ATP8A1: variants seen among roughly 807,000 people sequenced by gnomAD.
ATP8A1 encodes the protein phospholipid-transporting ATPase IA.
ATP8A1 carries 90 observed loss-of-function variants against 177.7 expected under a neutral mutation model. The ratio of observed to expected loss-of-function variants is 0.51; its 90% CI spans 0.43 to 0.60. The LOEUF is 0.60. Ranked by LOEUF, ATP8A1 falls within the 20% of genes least tolerant of loss-of-function variation. ATP8A1 has a pLI of 0.00. For missense variants in ATP8A1, 1,072 were observed against 1,392.8 expected (o/e 0.77, Z 3.67); for synonymous variants, 493 against 485.9 (o/e 1.01, Z -0.19).
chr4:42,443,826 T>C (rs954291343), intron 32 of ATP8A1, among the ~76,000 whole-genome samples, 154 bp from the exon 33 acceptor site: 1 of 152,246 alleles, frequency 6.6e-6, no homozygotes, highest in African/African-American at 2.4e-5. Flanking sequence ...TGTTTTTTAA[T>C]TGGATCTTTA....
At chr4:42,427,779 G>C (rs1011955210) in intron 33 of ATP8A1, among the ~76,000 whole-genome samples, 1 of 152,224 alleles carries the variant, frequency 6.6e-6, no homozygotes, top group Non-Finnish European at 1.5e-5. Flanking sequence ...TCCTCTTGGA[G>C]AGTCACAGCG....
intron 9 of ATP8A1, among the ~76,000 whole-genome samples, chr4:42,585,247 C>T (rs528549706): frequency 3.3e-5 from 5 of 152,134 alleles, no homozygotes; most frequent in South Asian, 4.2e-4. Flanking sequence ...CCCAATCTTC[C>T]TTATTCTGTG....
intron 1 of ATP8A1, among the ~76,000 whole-genome samples, chr4:42,640,156 G>A (rs1036430009): frequency 6.6e-6 from 1 of 151,948 alleles, no homozygotes; most frequent in East Asian, 1.9e-4. Flanking sequence ...TTTAAAATGG[G>A]AGTCTACAGA....
intron 16 of ATP8A1, among the ~76,000 whole-genome samples, chr4:42,554,525 C>A (rs188473305): frequency 2.0e-5 from 3 of 152,262 alleles, no homozygotes; most frequent in Admixed American, 2.0e-4. Flanking sequence ...TACAAAAACA[C>A]CCCTAGCAAC....
At chr4:42,636,152 A>ACGCGCGCGTG (rs1276251388) in intron 1 of ATP8A1, among the ~76,000 whole-genome samples, 2 of 33,712 alleles carry the variant, frequency 5.9e-5, no homozygotes, top group African/African-American at 1.3e-4. Flanking sequence ...ACACACACAC[A>ACGCGCGCGTG]CACACGCACA....
intron 15 of ATP8A1, among the ~76,000 whole-genome samples, chr4:42,558,369 C>T (rs561705179): frequency 1.3e-5 from 2 of 152,198 alleles, no homozygotes; most frequent in East Asian, 1.9e-4. Flanking sequence ...GAGACAATGA[C>T]GTTATGGTAT....
chr4:42,520,355 ATTTTT>A (rs997137629), intron 22 of ATP8A1, among the ~76,000 whole-genome samples: 1 of 148,050 alleles, frequency 6.8e-6, no homozygotes, highest in Non-Finnish European at 1.5e-5. Flanking sequence ...TCCAAACTGG[ATTTTT>A]TTTTTTTAAT....
intron 25 of ATP8A1, among the ~76,000 whole-genome samples, chr4:42,475,470 G>A (rs1447939333): frequency 7.4e-6 from 1 of 134,974 alleles, no homozygotes; most frequent in Non-Finnish European, 1.6e-5. Context: ...GGAAAGCCAG[G>A]TTAGCAAATT....
chr4:42,475,803 C>T (rs772573966), intron 25 of ATP8A1, among the ~76,000 whole-genome samples: 2 of 151,962 alleles, frequency 1.3e-5, no homozygotes, highest in Admixed American at 6.5e-5. Context: ...TTTGGGAGGC[C>T]GAGGTGGGTA....
chr4:42,632,060 T>C (rs1183836806), intron 1 of ATP8A1, among the ~76,000 whole-genome samples: 1 of 152,216 alleles, frequency 6.6e-6, no homozygotes, highest in Non-Finnish European at 1.5e-5. Flanking sequence ...ATTAGTCTTC[T>C]TAAATTAAGT....
At chr4:42,451,410 TC>T (rs1717917764) in intron 30 of ATP8A1, among the ~76,000 whole-genome samples, 1 of 152,144 alleles carries the variant, frequency 6.6e-6, no homozygotes, top group Non-Finnish European at 1.5e-5. Context: ...ATCACAGGGA[TC>T]TCTTTTCTAA....
At chr4:42,457,596 T>G (rs1384185834) in intron 27 of ATP8A1, among the ~76,000 whole-genome samples, 1 of 152,214 alleles carries the variant, frequency 6.6e-6, no homozygotes, top group Non-Finnish European at 1.5e-5. Context: ...AAGTTGTAGT[T>G]CTAAATGCAT....
At chr4:42,633,614 C>T (rs1422067744) in intron 1 of ATP8A1, among the ~76,000 whole-genome samples, 1 of 152,144 alleles carries the variant, frequency 6.6e-6, no homozygotes, top group East Asian at 1.9e-4. Context: ...GAACAATTGA[C>T]AGAAGTCTCT....
At chr4:42,432,555 A>G (rs2153171140) in intron 33 of ATP8A1, among the ~76,000 whole-genome samples, 1 of 152,322 alleles carries the variant, frequency 6.6e-6, no homozygotes, top group African/African-American at 2.4e-5. Context: ...ACTCTTTCTC[A>G]GAGGCCCGAG....
intron 4 of ATP8A1, among the ~76,000 whole-genome samples, chr4:42,622,233 T>A (rs1287549642): frequency 3.9e-5 from 5 of 129,690 alleles, no homozygotes; most frequent in Admixed American, 7.5e-5. Flanking sequence ...AAAAAAAAAA[T>A]TAGCCGGGAA....
chr4:42,650,851 T>C (rs1015916668), intron 1 of ATP8A1, among the ~76,000 whole-genome samples: 3 of 152,176 alleles, frequency 2.0e-5, no homozygotes, highest in Non-Finnish European at 4.4e-5. Context: ...TTCTATGTTA[T>C]CCAAGCAAGA....
At chr4:42,603,280 T>C (rs1244822345) in intron 5 of ATP8A1, among the ~76,000 whole-genome samples, 1 of 152,200 alleles carries the variant, frequency 6.6e-6, no homozygotes, top group Non-Finnish European at 1.5e-5. Flanking sequence ...TTTCTGTGAA[T>C]GGGTCTTTCA....
At chr4:42,477,486 C>A (rs955651707) in intron 25 of ATP8A1, among the ~76,000 whole-genome samples, 4 of 152,092 alleles carry the variant, frequency 2.6e-5, no homozygotes, top group Non-Finnish European at 5.9e-5. Flanking sequence ...ATACCCATCC[C>A]CCTCTCTTTC....
chr4:42,455,782 T>G (rs1718418549), intron 27 of ATP8A1, among the ~76,000 whole-genome samples, 183 bp from the exon 28 acceptor site: 1 of 152,230 alleles, frequency 6.6e-6, no homozygotes, highest in Non-Finnish European at 1.5e-5. Context: ...ATAGGGTATT[T>G]GTTATTTATG....
Sources: gnomAD v4.1 joint callset for allele counts (sites outside exome capture counted in the v4.1 genomes callset) on GRCh38, gnomAD v4.1.1 for gene constraint, MANE v1.5 for transcripts, NCBI Gene and HGNC (gene_info 2026-07-23, HGNC 2026-07-21) for gene names.